CDH20: variants seen among roughly 807,000 people sequenced by gnomAD.
CDH20 encodes the protein cadherin-20.
CDH20 carries 29 observed loss-of-function variants against 74.2 expected under a neutral mutation model. The ratio of observed to expected loss-of-function variants is 0.39; its 90% confidence interval spans 0.29 to 0.53. CDH20 has a LOEUF of 0.53. CDH20 is among the 20% of genes least tolerant of loss of function. CDH20 has a pLI of 0.69. For synonymous variants in CDH20, 469 were observed against 405.4 expected (o/e 1.16, Z -1.88); for missense variants, 988 against 1,048.3 (o/e 0.94, Z 0.79).
intron 1 of CDH20, among the ~76,000 whole-genome samples, chr18:61,456,668 A>C (rs1013676541): frequency 6.6e-6 from 1 of 152,102 alleles, no homozygotes; most frequent in Non-Finnish European, 1.5e-5. Context: ...AACAAAAAAC[A>C]CAAAAAAAGA....
At chr18:61,355,447 G>A (rs1356400764) in intron 1 of CDH20, among the ~76,000 whole-genome samples, 9 of 152,190 alleles carry the variant, frequency 5.9e-5, no homozygotes, top group African/African-American at 1.2e-4. Context: ...CAGTAGCTAC[G>A]TTTTAGTATT....
intron 5 of CDH20, among the ~76,000 whole-genome samples, chr18:61,503,652 G>A (rs1334642625): frequency 6.6e-6 from 1 of 152,208 alleles, no homozygotes; most frequent in East Asian, 1.9e-4. Context: ...CCCTGGACAT[G>A]AAGGGCACAG....
At chr18:61,390,242 T>C (rs1337456452) in intron 1 of CDH20, among the ~76,000 whole-genome samples, 1 of 152,152 alleles carries the variant, frequency 6.6e-6, no homozygotes, top group Non-Finnish European at 1.5e-5. Flanking sequence ...GAATAAATCA[T>C]CTAGAACCAT....
intron 1 of CDH20, among the ~76,000 whole-genome samples, chr18:61,396,241 G>C (rs1333199288): frequency 6.6e-6 from 1 of 152,118 alleles, no homozygotes; most frequent in Non-Finnish European, 1.5e-5. Flanking sequence ...TTCCTCTCCT[G>C]AAAGAGTATT....
chr18:61,482,334 C>T (rs533882221), intron 1 of CDH20, among the ~76,000 whole-genome samples: 9 of 152,188 alleles, frequency 5.9e-5, no homozygotes, highest in Non-Finnish European at 1.0e-4. Context: ...CTGCCCTAAC[C>T]CAGGCACAGA....
intron 7 of CDH20, among the ~76,000 whole-genome samples, chr18:61,532,004 G>A (rs12969490): frequency 0.47 from 70,751 of 152,018 alleles, 16,893 homozygotes; most frequent in Non-Finnish European, 0.53. Flanking sequence ...ACTAATACTC[G>A]TATCTTTAAA....
At chr18:61,503,631 C>CT (rs1911463795) in intron 5 of CDH20, among the ~76,000 whole-genome samples, 1 of 152,202 alleles carries the variant, frequency 6.6e-6, no homozygotes, top group Non-Finnish European at 1.5e-5. Flanking sequence ...CAAGCACTTG[C>CT]TTGGTGAGAC....
At chr18:61,442,467 A>T (rs1184026059) in intron 1 of CDH20, among the ~76,000 whole-genome samples, 1 of 152,084 alleles carries the variant, frequency 6.6e-6, no homozygotes, top group East Asian at 1.9e-4. Flanking sequence ...ACTTTACCTA[A>T]GTCTGGCCAA....
intron 1 of CDH20, among the ~76,000 whole-genome samples, chr18:61,415,013 A>G (rs1246963021): frequency 6.6e-6 from 1 of 152,184 alleles, no homozygotes; most frequent in African/African-American, 2.4e-5. Context: ...GAAAAATATC[A>G]ACATGTATAC....
chr18:61,334,106 G>C (rs1909666105), intron 1 of CDH20, among the ~76,000 whole-genome samples: 1 of 152,142 alleles, frequency 6.6e-6, no homozygotes, highest in South Asian at 2.1e-4. Context: ...GGTGGAGGAC[G>C]TGGCGCGCTG....
chr18:61,415,889 G>T (rs991898052), intron 1 of CDH20, among the ~76,000 whole-genome samples: 1 of 152,026 alleles, frequency 6.6e-6, no homozygotes, highest in Admixed American at 6.6e-5. Flanking sequence ...GAAAGCTGAA[G>T]AATTACTAAT....
chr18:61,545,666 C>T (rs193009306), intron 10 of CDH20, among the ~76,000 whole-genome samples: 9 of 152,076 alleles, frequency 5.9e-5, no homozygotes, highest in African/African-American at 2.2e-4. Context: ...AAATAAAAAA[C>T]CCCTGGGGGC....
chr18:61,504,880 T>A (rs1911505046), intron 5 of CDH20, among the ~76,000 whole-genome samples: 1 of 151,742 alleles, frequency 6.6e-6, no homozygotes. Flanking sequence ...GCATTCATGA[T>A]GGAAAAAGCA....
intron 1 of CDH20, among the ~76,000 whole-genome samples, chr18:61,347,290 ATATATATATATATATATATAT>A (rs1568104044): frequency 9.4e-5 from 4 of 42,714 alleles, no homozygotes; most frequent in African/African-American, 3.7e-4. Context: ...CTCTGCTAAT[ATATATATATATATATATATAT>A]ATATATATAC....
At chr18:61,343,446 T>G (rs1362402116) in intron 1 of CDH20, among the ~76,000 whole-genome samples, 1 of 152,164 alleles carries the variant, frequency 6.6e-6, no homozygotes, top group East Asian at 1.9e-4. Context: ...ATGTAGAGGT[T>G]GAGTGCCTCT....
At position 61,512,848 on chromosome 18, in the gene CDH20, T is replaced by C. The variant is rs1320083111; in HGVS notation, c.1017+5288T>C. On this transcript the variant is annotated intron_variant, in intron 6 of 11. Transcript: ENST00000262717. The stretch of plus-strand genomic sequence containing the variant: ...TTCTTAATCCTGAGTTCTAGTTTGA[T>C]TGCACTGTGGTCTGAGAGACAGTTT... 5.3e-5 allele frequency among the ~76,000 whole-genome samples: 8 copies of C among 152,280 alleles called. No individual in the cohort carries two copies. In the East Asian group the frequency reaches 1.3e-3, roughly 26 times the overall value.
intron 1 of CDH20, among the ~76,000 whole-genome samples, chr18:61,424,042 A>G (rs374212780): frequency 9.8e-5 from 15 of 152,336 alleles, no homozygotes; most frequent in East Asian, 7.7e-4. Context: ...ACTGCATTCT[A>G]TGCAGACTTG....
chr18:61,417,497 G>A (rs548796011), intron 1 of CDH20, among the ~76,000 whole-genome samples: 2 of 147,184 alleles, frequency 1.4e-5, no homozygotes, highest in African/African-American at 5.0e-5. Context: ...AACATGGATG[G>A]AATTGGAGGA....
intron 1 of CDH20, among the ~76,000 whole-genome samples, chr18:61,465,442 A>G (rs1472567621): frequency 6.6e-6 from 1 of 152,172 alleles, no homozygotes; most frequent in African/African-American, 2.4e-5. Context: ...CATACTTCCC[A>G]TTGTACTAAA....
Sources: allele counts gnomAD v4.1 joint callset (sites outside exome capture counted in the v4.1 genomes callset), GRCh38; gene constraint gnomAD v4.1.1; transcripts MANE v1.5; gene names NCBI Gene and HGNC (gene_info 2026-07-23, HGNC 2026-07-21).